The following MUC22 variants were observed in gnomAD, a reference collection of about 807,000 sequenced individuals.
The protein encoded by MUC22 is mucin 22.
A neutral mutation model predicts 40.3 loss-of-function variants in MUC22; 24 were observed. The ratio of observed to expected loss-of-function variants is 0.60; its 90% CI spans 0.43 to 0.84. The LOEUF is 0.84. Ranked by LOEUF, MUC22 falls within the 40% of genes least tolerant of loss-of-function variation. The pLI is 0.00. For missense variants in MUC22, 1,926 were observed against 2,130.7 expected, an observed-to-expected ratio of 0.90 and a Z score of 1.89; for synonymous variants, 765 against 844.5, an observed-to-expected ratio of 0.91 and a Z score of 1.63.
chr6:31,011,839 C>A lies in MUC22; in HGVS notation c.70+1063C>A, dbSNP rs745922232. Reference sequence around the variant, plus strand: ...AAGTGTTCCCTGATCACTGCATCTACGCCAACATCTACTGTTTTTTGATTT... The same window carrying A: ...AAGTGTTCCCTGATCACTGCATCTAAGCCAACATCTACTGTTTTTTGATTT... On this transcript the variant is annotated intron_variant, in intron 1 of 3. Transcript: ENST00000561890. The surrounding 1 kb of genome is among the most constrained non-coding windows in gnomAD (Gnocchi z 4.5). Among the ~76,000 whole-genome samples, 4 of 152,116 alleles carry A rather than the reference C, an allele frequency of 2.6e-5. No individual in the cohort carries two copies. Among genetic ancestry groups the A allele is most frequent in the Admixed American group, 6.5e-5 (1 of 15,272 alleles).
intron 1 of MUC22, among the ~76,000 whole-genome samples, chr6:31,022,527 G>A (rs1764932899): frequency 6.6e-6 from 1 of 151,628 alleles, no homozygotes; most frequent in East Asian, 1.9e-4. Context: ...AGAATGAAGT[G>A]TGCTGGAAAT....
At chr6:31,019,940 A>C (rs1305944558) in intron 1 of MUC22, among the ~76,000 whole-genome samples, 2 of 152,112 alleles carry the variant, frequency 1.3e-5, no homozygotes, top group East Asian at 3.8e-4. Context: ...GGGTGGAGGG[A>C]GTATGGGCTG....
At chr6:31,009,808 G>A (rs1318187728), upstream of MUC22, among the ~76,000 whole-genome samples, 1 of 152,222 alleles carries the variant, frequency 6.6e-6, no homozygotes, top group African/African-American at 2.4e-5. Flanking sequence ...ACGCAGGTGA[G>A]TCAGGGTCCC....
At chr6:31,022,754 G>C (rs1764967473) in intron 1 of MUC22, among the ~76,000 whole-genome samples, 1 of 151,914 alleles carries the variant, frequency 6.6e-6, no homozygotes, top group Non-Finnish European at 1.5e-5. Context: ...AGTGATAAAG[G>C]TGTATATCGT....
chr6:31,029,859 C>T (rs1390642067), exon 2 of MUC22: 3 of 1,534,144 alleles, frequency 2.0e-6, no homozygotes, highest in Non-Finnish European at 2.6e-6. Flanking sequence ...CTGAGACCTC[C>T]ACACCCTCCA....
chr6:31,034,535 A>ATGGTGGT lies in MUC22; in HGVS notation c.5056-137_5056-136insTGGTGGT, dbSNP rs1766303055. ...GAGAGACAGAGACAGAGATCATAGT[A>ATGGTGGT]AGGATGGTGGTAAAGAGAAGAGAAC... On this transcript the variant is annotated intron_variant, in intron 3 of 3. Transcript: ENST00000561890. 5 of 678,650 alleles carry ATGGTGGT rather than the reference A, an allele frequency of 7.4e-6. No homozygotes were observed. In the Admixed American group the frequency reaches 1.5e-4, roughly 20 times the overall value. 42.0% of individuals were successfully genotyped at this position (678,650 alleles called of 1,614,324 possible). A position where few individuals can be genotyped will look rare whatever the true frequency, so the allele number is the denominator to read the frequency against.
chr6:31,023,711 A>C (rs1451870972), intron 1 of MUC22, among the ~76,000 whole-genome samples: 2 of 152,242 alleles, frequency 1.3e-5, no homozygotes, highest in Non-Finnish European at 2.9e-5. Context: ...AAATAGGGTA[A>C]ACAATAGGAT....
chr6:31,021,502 T>C (rs1464765268), intron 1 of MUC22, among the ~76,000 whole-genome samples: 1 of 150,898 alleles, frequency 6.6e-6, no homozygotes, highest in Non-Finnish European at 1.5e-5. Flanking sequence ...TATGTCTAGC[T>C]CAGGGATTGT....
At chr6:31,034,356 G>T (rs1003642263) in intron 3 of MUC22, among the ~76,000 whole-genome samples, 16 of 152,220 alleles carry the variant, frequency 1.1e-4, no homozygotes, top group African/African-American at 3.6e-4. Flanking sequence ...TCACATAGGG[G>T]TATGGATTTA....
chr6:31,026,616 G>A, exon 2 of MUC22: 1 of 1,507,338 alleles, frequency 6.6e-7, no homozygotes, highest in Non-Finnish European at 8.9e-7. Context: ...CAGGCTCTGA[G>A]ACCACCACAG....
chr6:31,022,149 C>T (rs1036686584), intron 1 of MUC22, among the ~76,000 whole-genome samples: 14 of 152,136 alleles, frequency 9.2e-5, no homozygotes, highest in African/African-American at 2.9e-4. Flanking sequence ...AAGGAGCAAA[C>T]TCCAGACATG....
Position 31,032,516 on chromosome 6 carries a change from A to G in MUC22, c.4990A>G (p.Ile1664Val). 1 of 1,535,680 alleles carries G rather than the reference A, an allele frequency of 6.5e-7. No homozygotes were observed. The highest frequency in any genetic ancestry group is 8.7e-7 in the Non-Finnish European group (1 of 1,146,904). Reference sequence around the variant, plus strand: ...TGGATATTTACAGCCCTGGGCTATCATCCTCATTTCCCTGGCTGCAGTTGT... The same window carrying G: ...TGGATATTTACAGCCCTGGGCTATCGTCCTCATTTCCCTGGCTGCAGTTGT... Residue 1664 changes from isoleucine (I) to valine (V), a missense_variant, in exon 3 of 4, where the codon ATC becomes GTC. Physicochemically the swap from Ile to Val is conservative, Grantham distance 29 (BLOSUM62 3). Coordinates refer to ENST00000561890, the Ensembl canonical transcript of MUC22. This position sits in a 1 kb window ranked among gnomAD's most constrained non-coding sequence, Gnocchi z 4.1.
At chr6:31,017,036 G>A (rs1212817754) in intron 1 of MUC22, among the ~76,000 whole-genome samples, 1 of 152,220 alleles carries the variant, frequency 6.6e-6, no homozygotes, top group African/African-American at 2.4e-5. Context: ...GCCTCCCTGA[G>A]GGGCACGGCT....
At chr6:31,030,056 C>T in exon 2 of MUC22, 1 of 1,535,178 alleles carries the variant, frequency 6.5e-7, no homozygotes. Flanking sequence ...CTCACCAAGG[C>T]CACTGACGTT....
intron 1 of MUC22, among the ~76,000 whole-genome samples, chr6:31,021,525 C>T (rs28744234): frequency 0.044 from 6,431 of 147,078 alleles, 242 homozygotes; most frequent in South Asian, 0.097. Flanking sequence ...ATACACCAAT[C>T]GGCACTCTGT....
At chr6:31,031,066 C>G (rs967508957) in intron 2 of MUC22, among the ~76,000 whole-genome samples, 1 of 152,220 alleles carries the variant, frequency 6.6e-6, no homozygotes, top group Non-Finnish European at 1.5e-5. Context: ...ATCAGCAAGC[C>G]GGTTACATCT....
chr6:31,034,743 G>C (rs1466578448), exon 4 of MUC22: 1 of 1,535,588 alleles, frequency 6.5e-7, no homozygotes, highest in Non-Finnish European at 8.7e-7. Context: ...GCCTTGGTCT[G>C]GACCTGAACT....
chr6:31,028,867 AC>A lies in MUC22; in HGVS notation c.3438del (p.Thr1147ProfsTer249). The stretch of plus-strand genomic sequence containing the variant: ...AGCCTCTACTGAAGGCTCTGAGACT[AC>A]CACCACCTCTACTGAAGGCTCTGAG... On this transcript the variant is annotated frameshift_variant, in exon 2 of 4. Transcript: ENST00000561890. LOFTEE classifies it high-confidence loss of function. The A allele has an allele frequency of 6.5e-7, 1 of 1,532,942 alleles. No homozygotes were observed. The highest frequency in any genetic ancestry group is 8.7e-7 in the Non-Finnish European group (1 of 1,145,490). 95.0% of individuals were successfully genotyped at this position (1,532,942 alleles called of 1,614,324 possible).
intron 3 of MUC22, among the ~76,000 whole-genome samples, chr6:31,033,019 G>T (rs12661935): frequency 0.11 from 16,658 of 152,088 alleles, 1,111 homozygotes; most frequent in Middle Eastern, 0.17. Flanking sequence ...ACAAAAATTA[G>T]TCGAGAGTGG....
Sources: gnomAD v4.1 joint callset for allele counts (sites outside exome capture counted in the v4.1 genomes callset) on GRCh38, gnomAD v4.1.1 for gene constraint, Gnocchi (gnomAD v3.1) non-coding constraint, MANE v1.5 for transcripts, NCBI Gene and HGNC (gene_info 2026-07-23, HGNC 2026-07-21) for gene names.